Variants in CNTNAP2 observed in about 807,000 individuals in gnomAD.
CNTNAP2 encodes contactin-associated protein-like 2.
Under a neutral mutation model 155.2 loss-of-function variants are expected in CNTNAP2, and 98 were observed. The ratio of observed to expected loss-of-function variants is 0.63; its 90% CI spans 0.54 to 0.75. The LOEUF (loss-of-function observed/expected upper bound fraction) is 0.75, where lower values mean the gene tolerates loss of function less well. Among genes scored for constraint, CNTNAP2 ranks in the 30% least tolerant of loss-of-function variants. The pLI is 0.00. For missense variants in CNTNAP2, 1,727 were observed against 1,688.1 expected (o/e 1.02, Z -0.40); for synonymous variants, 651 against 631.2 (o/e 1.03, Z -0.47).
intron 21 of CNTNAP2, among the ~76,000 whole-genome samples, chr7:148,354,618 G>T (rs1798481011): frequency 6.6e-6 from 1 of 151,834 alleles, no homozygotes; most frequent in African/African-American, 2.4e-5. Context: ...CGACCGGGAG[G>T]AAGCACTTCC....
intron 2 of CNTNAP2, among the ~76,000 whole-genome samples, chr7:146,822,590 C>A: frequency 6.7e-6 from 1 of 150,178 alleles, no homozygotes. Flanking sequence ...TCTAATGAGA[C>A]CTTTTGTGAA....
intron 12 of CNTNAP2, among the ~76,000 whole-genome samples, chr7:147,620,854 G>A (rs1006314998): frequency 4.6e-5 from 7 of 152,052 alleles, no homozygotes; most frequent in African/African-American, 1.7e-4. Context: ...AAAACCCTAG[G>A]GAAAGATATC....
At position 147,305,138 on chromosome 7, in the gene CNTNAP2, A is replaced by AAACATATAGTC. The variant is rs1296262896; in HGVS notation, c.1498+4849_1498+4859dup. On this transcript the variant is annotated intron_variant, in intron 9 of 23. Coordinates refer to ENST00000361727, the MANE Select transcript of CNTNAP2 (RefSeq NM_014141.6). Reference sequence around the variant, plus strand: ...TCAATATGTGAATTTTGAGGGACACAAACATATAGTCTATAATAATGGCCT... The same window carrying AAACATATAGTC: ...TCAATATGTGAATTTTGAGGGACACAAACATATAGTCAACATATAGTCTATAATAATGGCCT... 2.6e-5 allele frequency among the ~76,000 whole-genome samples: 4 copies of AAACATATAGTC among 152,160 alleles called. No homozygotes were observed. The East Asian group carries it at 7.7e-4, about 29-fold the overall frequency.
chr7:148,174,563 A>G (rs1006156464), intron 18 of CNTNAP2, among the ~76,000 whole-genome samples: 1 of 152,240 alleles, frequency 6.6e-6, no homozygotes, highest in Non-Finnish European at 1.5e-5. Context: ...TGTGGAAAAC[A>G]TCGCTAATAT....
intron 3 of CNTNAP2, among the ~76,000 whole-genome samples, chr7:146,930,281 A>G (rs1010508554): frequency 5.9e-5 from 9 of 152,198 alleles, no homozygotes; most frequent in African/African-American, 2.2e-4. Flanking sequence ...GGGGGCCAAT[A>G]TGCAACATTC....
chr7:147,240,417 G>A (rs1261984824), intron 8 of CNTNAP2, among the ~76,000 whole-genome samples: 1 of 152,174 alleles, frequency 6.6e-6, no homozygotes, highest in Admixed American at 6.5e-5. Flanking sequence ...CAATAAACAA[G>A]GTGATTAGCT....
At chr7:147,871,958 G>A (rs929001917) in intron 13 of CNTNAP2, among the ~76,000 whole-genome samples, 17 of 151,834 alleles carry the variant, frequency 1.1e-4, no homozygotes, top group African/African-American at 2.9e-4. Flanking sequence ...TGCTTTTTTC[G>A]TACGTGTTTT....
intron 11 of CNTNAP2, among the ~76,000 whole-genome samples, chr7:147,555,839 C>T (rs924102312): frequency 6.6e-6 from 1 of 152,198 alleles, no homozygotes; most frequent in Non-Finnish European, 1.5e-5. Context: ...AGCTCATCAG[C>T]GTCATGGAAC....
At chr7:148,262,966 C>T (rs946011347) in intron 20 of CNTNAP2, 14 of 152,262 alleles carry the variant, frequency 9.2e-5, no homozygotes, top group African/African-American at 3.4e-4. Context: ...GCTGCTTTTC[C>T]TTTGGGGTCC....
Position 147,463,743 on chromosome 7 carries a change from CA to C in CNTNAP2, c.1671-22189del, listed in dbSNP as rs549547334. 3.6e-3 allele frequency among the ~76,000 whole-genome samples: 554 copies of C among 152,286 alleles called. 3 individuals carry two copies. The highest frequency in any genetic ancestry group is 0.012 in the African/African-American group (516 of 41,566). On this transcript the variant is annotated intron_variant, in intron 10 of 23. Coordinates refer to ENST00000361727, the MANE Select transcript of CNTNAP2 (RefSeq NM_014141.6). ...GATTTCTAGCTAGCTCAATTTACAA[CA>C]AACATTGCCTTCCAAACGGAATAGC...
intron 12 of CNTNAP2, among the ~76,000 whole-genome samples, chr7:147,619,656 A>G (rs1017662789): frequency 1.3e-5 from 2 of 152,236 alleles, no homozygotes; most frequent in Non-Finnish European, 2.9e-5. Flanking sequence ...CAGCTCAGCC[A>G]CAGTACAACA....
At chr7:147,243,212 G>T (rs940749416) in intron 8 of CNTNAP2, among the ~76,000 whole-genome samples, 4 of 151,800 alleles carry the variant, frequency 2.6e-5, no homozygotes, top group Middle Eastern at 6.8e-3. Flanking sequence ...TGGCCAGGCT[G>T]GTCTCGATCT....
At chr7:146,198,399 A>C (rs1798808324) in intron 1 of CNTNAP2, among the ~76,000 whole-genome samples, 1 of 152,182 alleles carries the variant, frequency 6.6e-6, no homozygotes. Context: ...TGAATGACTT[A>C]TTCGTTATAT....
intron 10 of CNTNAP2, among the ~76,000 whole-genome samples, chr7:147,443,481 CTCTT>C: frequency 6.6e-6 from 1 of 152,282 alleles, no homozygotes; most frequent in East Asian, 1.9e-4. Context: ...TTCTGAGTGA[CTCTT>C]TCAATAATAG....
At chr7:148,050,279 C>T (rs1439739831) in intron 15 of CNTNAP2, among the ~76,000 whole-genome samples, 1 of 152,174 alleles carries the variant, frequency 6.6e-6, no homozygotes, top group Non-Finnish European at 1.5e-5. Flanking sequence ...CCCTGAAGAC[C>T]TCGCAGTAGG....
chr7:147,788,242 T>A (rs1246232973), intron 13 of CNTNAP2, among the ~76,000 whole-genome samples: 3 of 152,214 alleles, frequency 2.0e-5, no homozygotes, highest in Admixed American at 2.0e-4. Flanking sequence ...AAGTTGTCAA[T>A]TTGATGAATC....
At chr7:147,034,397 G>T (rs888159128) in intron 3 of CNTNAP2, among the ~76,000 whole-genome samples, 5 of 152,146 alleles carry the variant, frequency 3.3e-5, no homozygotes, top group Admixed American at 1.3e-4. Context: ...CCCATAGGGA[G>T]AGCGTGCAGA....
chr7:148,176,211 C>CTTTTTTTTTTTTTTTTTTTT (rs1188113801), intron 18 of CNTNAP2, among the ~76,000 whole-genome samples: 1 of 92,792 alleles, frequency 1.1e-5, no homozygotes. Context: ...CTTTCTTTCT[C>CTTTTTTTTTTTTTTTTTTTT]TTTTTTTTTT....
intron 18 of CNTNAP2, among the ~76,000 whole-genome samples, chr7:148,174,009 C>A (rs1304011817): frequency 6.6e-6 from 1 of 152,190 alleles, no homozygotes; most frequent in African/African-American, 2.4e-5. Context: ...GGGGCATATC[C>A]TCTCCAGGTT....
Sources: gnomAD v4.1 joint callset for allele counts (sites outside exome capture counted in the v4.1 genomes callset) on GRCh38, gnomAD v4.1.1 for gene constraint, MANE v1.5 for transcripts, NCBI Gene and HGNC (gene_info 2026-07-23, HGNC 2026-07-21) for gene names.